Variants in PITPNC1 observed in about 807,000 individuals in gnomAD.
PITPNC1 encodes the protein phosphatidylinositol transfer protein cytoplasmic 1.
A neutral mutation model predicts 44.7 loss-of-function variants in PITPNC1; 18 were observed. That is an observed-to-expected ratio of 0.40 (90% CI 0.28 to 0.60). PITPNC1 has a LOEUF of 0.60. PITPNC1 is among the 20% of genes least tolerant of loss of function. The pLI is 0.39. For missense variants in PITPNC1, 290 were observed against 418.4 expected (o/e 0.69, Z 2.68); for synonymous variants, 141 against 149.6 (o/e 0.94, Z 0.42).
At position 67,432,528 on chromosome 17, in the gene PITPNC1, T is replaced by TAATAA. The variant is rs554324236; in HGVS notation, c.48+54339_48+54343dup. 1.1e-3 allele frequency among the ~76,000 whole-genome samples: 167 copies of TAATAA among 152,040 alleles called. 4 individuals carry two copies. In the South Asian group the frequency reaches 0.034, roughly 31 times the overall value. ...CAAAATAAATAAATACATAAATAAATAATAAAATAAAATAAAACTAATGAT... is the reference window on the plus strand; with the variant it reads ...CAAAATAAATAAATACATAAATAAATAATAAAATAAAATAAAATAAAACTAATGAT... On this transcript the variant is annotated intron_variant, in intron 1 of 8. Coordinates refer to ENST00000581322, the MANE Select transcript of PITPNC1 (RefSeq NM_012417.4).
chr17:67,378,114 C>A lies in PITPNC1; in HGVS notation c.-41C>A, dbSNP rs756672816. The A allele has an allele frequency of 4.1e-6, 6 of 1,456,848 alleles. No individual in the cohort carries two copies. The Admixed American group carries it at 8.5e-5, about 21-fold the overall frequency. The allele number at this position is 1,456,848 out of a possible 1,614,324, so 90.2% of individuals were successfully genotyped here. A position where few individuals can be genotyped will look rare whatever the true frequency, so the allele number is the denominator to read the frequency against. On this transcript the variant is annotated 5_prime_UTR_variant, in exon 1 of 9. Transcript: ENST00000581322. ...AGCAGCCTTGCTGGTCTTGGGGGCG[C>A]CCCCCGCTTCCCGCCCCGGGGGTCC...
At chr17:67,459,107 C>CTT in intron 1 of PITPNC1, among the ~76,000 whole-genome samples, 1 of 126,836 alleles carries the variant, frequency 7.9e-6, no homozygotes, top group South Asian at 2.5e-4. Flanking sequence ...TTTTTTTTTT[C>CTT]TTTTTCTTTT....
intron 1 of PITPNC1, among the ~76,000 whole-genome samples, chr17:67,445,535 A>G (rs554148674): frequency 2.0e-5 from 3 of 147,130 alleles, no homozygotes; most frequent in African/African-American, 7.3e-5. Flanking sequence ...CTCTCAATGT[A>G]CTTTCCTTGT....
chr17:67,470,675 C>T (rs1287306526), intron 1 of PITPNC1, among the ~76,000 whole-genome samples: 3 of 152,134 alleles, frequency 2.0e-5, no homozygotes, highest in Non-Finnish European at 4.4e-5. Context: ...AGCCCCTCTG[C>T]CCGGCCACCA....
chr17:67,531,364 C>T (rs1010422085), intron 1 of PITPNC1, among the ~76,000 whole-genome samples: 2 of 152,252 alleles, frequency 1.3e-5, no homozygotes, highest in Admixed American at 6.5e-5. Context: ...TGCACACATA[C>T]GCTCACGTTA....
At chr17:67,607,381 C>A (rs1176048795) in intron 5 of PITPNC1, among the ~76,000 whole-genome samples, 1 of 152,222 alleles carries the variant, frequency 6.6e-6, no homozygotes, top group Non-Finnish European at 1.5e-5. Flanking sequence ...GCTCTCCCAT[C>A]CAGGCCATGC....
intron 8 of PITPNC1, among the ~76,000 whole-genome samples, chr17:67,682,262 G>A (rs984052894): frequency 5.9e-5 from 9 of 152,142 alleles, no homozygotes; most frequent in African/African-American, 2.2e-4. Flanking sequence ...CAAGTACAAA[G>A]CTATTCTGTG....
intron 8 of PITPNC1, among the ~76,000 whole-genome samples, chr17:67,684,596 T>C (rs750178187): frequency 6.6e-6 from 1 of 152,218 alleles, no homozygotes; most frequent in South Asian, 2.1e-4. Context: ...GTTTTTTTAA[T>C]GTAGATAATG....
At chr17:67,424,502 C>A (rs2038716140) in intron 1 of PITPNC1, among the ~76,000 whole-genome samples, 1 of 151,824 alleles carries the variant, frequency 6.6e-6, no homozygotes, top group Non-Finnish European at 1.5e-5. Flanking sequence ...TCTAAAAATT[C>A]AAGAATTAGC....
chr17:67,546,175 TCAAAAA>T (rs72432781), intron 2 of PITPNC1, among the ~76,000 whole-genome samples: 126,827 of 148,368 alleles, frequency 0.85, 54,231 homozygotes, highest in East Asian at 0.93. Flanking sequence ...AGACTCCATC[TCAAAAA>T]CAAAAACAAA....
chr17:67,631,405 G>A (rs1290626736), intron 5 of PITPNC1, among the ~76,000 whole-genome samples: 3 of 146,494 alleles, frequency 2.0e-5, no homozygotes, highest in East Asian at 2.0e-4. Flanking sequence ...TGAGGCGGGC[G>A]GATCACGAGG....
intron 6 of PITPNC1, among the ~76,000 whole-genome samples, chr17:67,664,853 C>G (rs1195357959): frequency 6.7e-6 from 1 of 149,390 alleles, no homozygotes; most frequent in Non-Finnish European, 1.5e-5. Context: ...TGCAGTGAGC[C>G]GAGATCATGC....
chr17:67,482,629 C>G (rs2039719659), intron 1 of PITPNC1, among the ~76,000 whole-genome samples: 1 of 152,154 alleles, frequency 6.6e-6, no homozygotes, highest in Admixed American at 6.5e-5. Context: ...TATTTCCCTG[C>G]TATTTCATGA....
At chr17:67,681,199 A>C (rs1306230558) in intron 8 of PITPNC1, among the ~76,000 whole-genome samples, 1 of 152,192 alleles carries the variant, frequency 6.6e-6, no homozygotes, top group Non-Finnish European at 1.5e-5. Flanking sequence ...TCCTTTCTTT[A>C]AAAATACAAT....
chr17:67,559,465 T>C (rs959933565), intron 4 of PITPNC1, among the ~76,000 whole-genome samples: 1 of 152,216 alleles, frequency 6.6e-6, no homozygotes, highest in African/African-American at 2.4e-5. Context: ...GTGCAGTACA[T>C]AATTTTTTTT....
chr17:67,468,851 C>T (rs1327306289), intron 1 of PITPNC1, among the ~76,000 whole-genome samples: 2 of 152,182 alleles, frequency 1.3e-5, no homozygotes, highest in Non-Finnish European at 2.9e-5. Flanking sequence ...GCCTCAGCCT[C>T]CCAAGTAGCT....
chr17:67,616,290 A>G (rs953698493), intron 5 of PITPNC1, among the ~76,000 whole-genome samples: 2 of 152,066 alleles, frequency 1.3e-5, no homozygotes, highest in African/African-American at 4.8e-5. Context: ...ACAGGGGTGC[A>G]CTACCACGCC....
intron 1 of PITPNC1, among the ~76,000 whole-genome samples, chr17:67,518,942 TA>T (rs1328282057): frequency 2.0e-5 from 3 of 152,162 alleles, no homozygotes; most frequent in Admixed American, 1.3e-4. Context: ...ACCCTTTCCC[TA>T]AAAGTATTTT....
intron 1 of PITPNC1, among the ~76,000 whole-genome samples, chr17:67,443,685 A>G (rs1410688400): frequency 8.0e-6 from 1 of 125,430 alleles, no homozygotes; most frequent in African/African-American, 3.1e-5. Flanking sequence ...ACCAGGCTGG[A>G]GTGAAGTGGT....
Sources: allele counts gnomAD v4.1 joint callset (sites outside exome capture counted in the v4.1 genomes callset), GRCh38; gene constraint gnomAD v4.1.1; transcripts MANE v1.5; gene names NCBI Gene and HGNC (gene_info 2026-07-23, HGNC 2026-07-21).